TECPR2: variants seen among roughly 807,000 people sequenced by gnomAD.
TECPR2 encodes tectonin beta-propeller repeat-containing protein 2.
A neutral mutation model predicts 138.1 loss-of-function variants in TECPR2; 65 were observed. The ratio of observed to expected loss-of-function variants is 0.47; its 90% CI spans 0.39 to 0.58. The LOEUF is 0.58. Ranked by LOEUF, TECPR2 falls within the 20% of genes least tolerant of loss-of-function variation. The probability of loss-of-function intolerance (pLI) is 0.00; values close to 1 mark genes in which losing one functional copy is unlikely to be tolerated. For synonymous variants in TECPR2, 746 were observed against 749.8 expected (o/e 0.99, Z 0.08); for missense variants, 1,553 against 1,824.5 (o/e 0.85, Z 2.71).
Position 102,499,155 on chromosome 14 carries a change from C to T in TECPR2, c.*898C>T, listed in dbSNP as rs1350436906. The T allele has an allele frequency of 4.3e-6, 3 of 702,864 alleles. No individual in the cohort carries two copies. The highest frequency in any genetic ancestry group is 2.0e-5 in the Admixed American group (1 of 49,984). The allele number at this position is 702,864 out of a possible 1,614,324, so 43.5% of individuals were successfully genotyped here. A position where few individuals can be genotyped will look rare whatever the true frequency, so the allele number is the denominator to read the frequency against. On this transcript the variant is annotated 3_prime_UTR_variant, in exon 20 of 20. Coordinates refer to ENST00000359520, the MANE Select transcript of TECPR2 (RefSeq NM_014844.5). ...TGCAAATGGAACCTGGATGTGTGCA[C>T]GTGTGTCCCAGGTAGGGACGGCACA...
rs1281050268 is a variant in TECPR2 at position 102,399,495 on chromosome 14, A to T, written c.220-7843A>T. 3.3e-5 allele frequency among the ~76,000 whole-genome samples: 5 copies of T among 152,280 alleles called. No individual in the cohort carries two copies. The South Asian group carries it at 6.2e-4, about 19-fold the overall frequency. ...ATACTCAAGTGAGTCCTGCAGAGGG[A>T]AATTAAAGGATATTAAACAGTTACT... On this transcript the variant is annotated intron_variant, in intron 2 of 19. Coordinates refer to ENST00000359520, the MANE Select transcript of TECPR2 (RefSeq NM_014844.5).
chr14:102,376,520 T>G (rs573091263), intron 1 of TECPR2, 130 bp from the exon 2 acceptor site: 1 of 586,142 alleles, frequency 1.7e-6, no homozygotes, highest in South Asian at 2.0e-5. Flanking sequence ...TGACACGTGT[T>G]TACTTTCCCT....
At chr14:102,456,691 G>A (rs534117310) in intron 16 of TECPR2, among the ~76,000 whole-genome samples, 61 of 151,264 alleles carry the variant, frequency 4.0e-4, no homozygotes, top group Admixed American at 2.1e-3. Context: ...CTGGGTTCAC[G>A]TCATTCTCCT....
chr14:102,367,198 G>A (rs374663350), intron 1 of TECPR2, among the ~76,000 whole-genome samples: 1 of 152,062 alleles, frequency 6.6e-6, no homozygotes, highest in African/African-American at 2.4e-5. Context: ...GGGTAGTATG[G>A]TCTGATTTCT....
Position 102,499,108 on chromosome 14 carries a change from T to A in TECPR2, c.*851T>A. 1.4e-6 allele frequency: 1 copy of A among 702,976 alleles called. No homozygotes were observed. The highest frequency in any genetic ancestry group is 2.7e-5 in the East Asian group (1 of 37,284). 43.5% of individuals were successfully genotyped at this position (702,976 alleles called of 1,614,324 possible). On this transcript the variant is annotated 3_prime_UTR_variant, in exon 20 of 20. Coordinates refer to ENST00000359520, the MANE Select transcript of TECPR2 (RefSeq NM_014844.5). Reference sequence around the variant, plus strand: ...CGCCTCCTGGAGAGCACACTTCAGCTGAAACAGTAAAGCCTGATGGGTGCA... The same window carrying A: ...CGCCTCCTGGAGAGCACACTTCAGCAGAAACAGTAAAGCCTGATGGGTGCA...
chr14:102,461,413 A>C (rs1401748944), intron 16 of TECPR2, among the ~76,000 whole-genome samples: 1 of 152,252 alleles, frequency 6.6e-6, no homozygotes, highest in African/African-American at 2.4e-5. Flanking sequence ...TTATAAATAA[A>C]ATGTCAAATA....
At chr14:102,412,678 A>C (rs1056837570) in intron 4 of TECPR2, among the ~76,000 whole-genome samples, 11 of 152,042 alleles carry the variant, frequency 7.2e-5, no homozygotes, top group Non-Finnish European at 1.5e-4. Flanking sequence ...CATTTCAAAT[A>C]AAAATGGTGT....
intron 1 of TECPR2, among the ~76,000 whole-genome samples, chr14:102,365,001 C>T (rs1465428599): frequency 6.6e-6 from 1 of 152,194 alleles, no homozygotes; most frequent in African/African-American, 2.4e-5. Context: ...GGAGCTGTTA[C>T]TCAAGATGCA....
In TECPR2 at chr14:102,501,975, T is replaced by C. The variant is rs540770784; in HGVS notation, c.*3718T>C. On this transcript the variant is annotated 3_prime_UTR_variant, in exon 20 of 20. Transcript: ENST00000359520. ...AGGCCTTGCATCTCGCCACCTCCAC[T>C]TCTGTCCTCAAGAACAAGTCCTAGG... The C allele has an allele frequency of 3.9e-5, 6 of 152,342 alleles. No homozygotes were observed. The highest frequency in any genetic ancestry group is 1.4e-4 in the African/African-American group (6 of 41,574). 9.4% of individuals were successfully genotyped at this position (152,342 alleles called of 1,614,324 possible). A position where few individuals can be genotyped will look rare whatever the true frequency, so the allele number is the denominator to read the frequency against.
At chr14:102,472,307 C>T (rs560564171) in intron 17 of TECPR2, among the ~76,000 whole-genome samples, 3 of 152,200 alleles carry the variant, frequency 2.0e-5, no homozygotes, top group Non-Finnish European at 4.4e-5. Flanking sequence ...CTGTTCCTGT[C>T]TCCATGTAGA....
rs1316708952 is a variant in TECPR2, at chr14:102,427,795, G to T, written c.952-455G>T. ...CGGAAGTTTGGATGAGGTGCTGCAA[G>T]CCCTGAGAGCCCTGGGTGTTGCAGC... is the stretch of plus-strand genomic sequence containing the variant. On this transcript the variant is annotated intron_variant, in intron 6 of 19. Coordinates refer to ENST00000359520, the MANE Select transcript of TECPR2 (RefSeq NM_014844.5). Among the ~76,000 whole-genome samples, 3 of 152,322 alleles carry T rather than the reference G, an allele frequency of 2.0e-5. No homozygotes were observed. The East Asian group carries it at 5.8e-4, about 29-fold the overall frequency.
intron 15 of TECPR2, among the ~76,000 whole-genome samples, chr14:102,451,975 A>T (rs1249247355): frequency 6.6e-6 from 1 of 151,456 alleles, no homozygotes; most frequent in Non-Finnish European, 1.5e-5. Context: ...GGAACTGCCA[A>T]CCCTCCCTCC....
In TECPR2 at chr14:102,499,176, G is replaced by T. The variant is rs1260620915; in HGVS notation, c.*919G>T. 1 of 702,926 alleles carries T rather than the reference G, an allele frequency of 1.4e-6. No homozygotes were observed. Among genetic ancestry groups the T allele is most frequent in the South Asian group, 1.5e-5 (1 of 67,600 alleles). The allele number at this position is 702,926 out of a possible 1,614,324, so 43.5% of individuals were successfully genotyped here. A position where few individuals can be genotyped will look rare whatever the true frequency, so the allele number is the denominator to read the frequency against. On this transcript the variant is annotated 3_prime_UTR_variant, in exon 20 of 20. Coordinates refer to ENST00000359520, the MANE Select transcript of TECPR2 (RefSeq NM_014844.5). ...TGCACGTGTGTCCCAGGTAGGGACG[G>T]CACAGGAGGGTGCATGGGGCGTGGG...
Position 102,414,382 on chromosome 14 carries a change from T to C in TECPR2, c.481-254T>C, listed in dbSNP as rs562248531. On this transcript the variant is annotated intron_variant, in intron 4 of 19. Transcript: ENST00000359520. ...CTACTGAGGACATGTTTTTAAAAATTATGCAGATTTTAAAATGTTTCCTGT... is the reference window on the plus strand; with the variant it reads ...CTACTGAGGACATGTTTTTAAAAATCATGCAGATTTTAAAATGTTTCCTGT... Among the ~76,000 whole-genome samples, 4 of 152,342 alleles carry C rather than the reference T, an allele frequency of 2.6e-5. No homozygotes were observed. In the South Asian group the frequency reaches 8.3e-4, roughly 32 times the overall value.
At chr14:102,402,924 A>G (rs1285215374) in intron 2 of TECPR2, among the ~76,000 whole-genome samples, 1 of 152,210 alleles carries the variant, frequency 6.6e-6, no homozygotes, top group African/African-American at 2.4e-5. Context: ...GAAAAGCCCT[A>G]GACACGAAGC....
chr14:102,450,738 G>C, intron 15 of TECPR2, 89 bp downstream of exon 15: 1 of 1,343,528 alleles, frequency 7.4e-7, no homozygotes, highest in South Asian at 1.2e-5. Context: ...GGCCTTGTTG[G>C]TTATGGGGCA....
intron 1 of TECPR2, among the ~76,000 whole-genome samples, chr14:102,369,382 A>G (rs1887432024): frequency 6.6e-6 from 1 of 152,164 alleles, no homozygotes; most frequent in Non-Finnish European, 1.5e-5. Context: ...TTATTTTTAA[A>G]AAAGTTTTAT....
At chr14:102,384,688 T>A (rs200201843) in intron 2 of TECPR2, among the ~76,000 whole-genome samples, 7,881 of 123,868 alleles carry the variant, frequency 0.064, 288 homozygotes, top group Middle Eastern at 0.11. Flanking sequence ...AAAAAAAATA[T>A]ATATATATAT....
At position 102,373,261 on chromosome 14, in the gene TECPR2, C is replaced by T. The variant is rs149226931; in HGVS notation, c.-72-3389C>T. On this transcript the variant is annotated intron_variant, in intron 1 of 19. Coordinates refer to ENST00000359520, the MANE Select transcript of TECPR2 (RefSeq NM_014844.5). ...AAGAACAGTTTGTATTAAGTACAGA[C>T]GGTTTTCAACTTACAGAGTTTCAAC... Among the ~76,000 whole-genome samples, 169 of 151,924 alleles carry T rather than the reference C, an allele frequency of 1.1e-3. 1 individual carries two copies. Among genetic ancestry groups the T allele is most frequent in the African/African-American group, 3.1e-3 (127 of 41,444 alleles).
Sources: gnomAD v4.1 joint callset for allele counts (sites outside exome capture counted in the v4.1 genomes callset) on GRCh38, gnomAD v4.1.1 for gene constraint, MANE v1.5 for transcripts, NCBI Gene and HGNC (gene_info 2026-07-23, HGNC 2026-07-21) for gene names.